Variants in TTL observed in about 807,000 individuals in gnomAD.
TTL encodes the protein tubulin--tyrosine ligase.
Under a neutral mutation model 41.1 loss-of-function variants are expected in TTL, and 10 were observed. The ratio of observed to expected loss-of-function variants is 0.24; its 90% CI spans 0.15 to 0.41. The LOEUF (loss-of-function observed/expected upper bound fraction) is 0.41, where lower values mean the gene tolerates loss of function less well. Ranked by LOEUF, TTL falls within the 10% of genes least tolerant of loss-of-function variation. The pLI is 1.00. For synonymous variants in TTL, 175 were observed against 175.5 expected (o/e 1.00, Z 0.02); for missense variants, 367 against 460.4 (o/e 0.80, Z 1.86).
intron 6 of TTL, among the ~76,000 whole-genome samples, chr2:112,524,840 G>T (rs1257421810): frequency 6.6e-6 from 1 of 152,130 alleles, no homozygotes; most frequent in Non-Finnish European, 1.5e-5. Context: ...ATTGCTTTTG[G>T]TGTTTTAGAC....
chr2:112,498,768 G>C (rs1215678640), intron 3 of TTL, among the ~76,000 whole-genome samples: 1 of 151,994 alleles, frequency 6.6e-6, no homozygotes, highest in Non-Finnish European at 1.5e-5. Flanking sequence ...AGCCAGGCAT[G>C]GTGGCGGGCG....
intron 5 of TTL, among the ~76,000 whole-genome samples, chr2:112,518,453 G>A (rs1228462741): frequency 1.3e-5 from 2 of 151,648 alleles, no homozygotes; most frequent in Non-Finnish European, 2.9e-5. Context: ...AGCCAAAATA[G>A]TTTTTAAAGG....
At chr2:112,486,054 T>G in intron 2 of TTL, 59 bp downstream of exon 2, 2 of 1,529,126 alleles carry the variant, frequency 1.3e-6, no homozygotes, top group Non-Finnish European at 1.8e-6. Flanking sequence ...TAGGCAAAAA[T>G]GTGGGGTTGT....
intron 5 of TTL, among the ~76,000 whole-genome samples, chr2:112,516,476 C>T (rs542619590): frequency 1.4e-4 from 22 of 152,260 alleles, no homozygotes; most frequent in Non-Finnish European, 3.1e-4. Flanking sequence ...GAGTTCAAGA[C>T]CAGCCTGGCC....
intron 6 of TTL, chr2:112,521,152 G>T: frequency 1.0e-6 from 1 of 983,850 alleles, no homozygotes; most frequent in Non-Finnish European, 1.2e-6. Context: ...TGCACCAAAG[G>T]TTGGTGGGGA....
At chr2:112,493,135 T>G (rs62157497) in intron 2 of TTL, among the ~76,000 whole-genome samples, 8,805 of 152,312 alleles carry the variant, frequency 0.058, 529 homozygotes, top group East Asian at 0.28. Context: ...AATATCTATC[T>G]ACAATGTCGT....
chr2:112,483,417 A>G (rs540835350), intron 1 of TTL: 1 of 152,400 alleles, frequency 6.6e-6, no homozygotes, highest in African/African-American at 2.4e-5. Flanking sequence ...TGGGAATTGC[A>G]TCTTCTCTCC....
chr2:112,528,041 G>T (rs551152218), intron 6 of TTL, among the ~76,000 whole-genome samples: 115 of 152,320 alleles, frequency 7.5e-4, no homozygotes, highest in African/African-American at 2.6e-3. Context: ...TTGCTTGTCT[G>T]TAGAGGATTT....
At chr2:112,491,809 C>G (rs1236113525) in intron 2 of TTL, among the ~76,000 whole-genome samples, 1 of 152,130 alleles carries the variant, frequency 6.6e-6, no homozygotes, top group African/African-American at 2.4e-5. Flanking sequence ...TTTACTTTTA[C>G]CATAGCCTAT....
intron 6 of TTL, chr2:112,522,031 C>T (rs909134202): frequency 3.3e-5 from 5 of 152,444 alleles, no homozygotes; most frequent in African/African-American, 1.2e-4. Flanking sequence ...GTGCTCTAGA[C>T]CTTTCCCTCC....
chr2:112,523,702 A>G (rs1037745353), intron 6 of TTL, among the ~76,000 whole-genome samples: 4 of 151,890 alleles, frequency 2.6e-5, no homozygotes, highest in African/African-American at 9.7e-5. Context: ...TTCCATAAGT[A>G]TTTGCTGAGG....
In TTL at chr2:112,503,137, T is replaced by A; in HGVS notation, c.831T>A (p.Ile277=). 2 of 1,611,078 alleles carry A rather than the reference T, an allele frequency of 1.2e-6. No homozygotes were observed. Among genetic ancestry groups the A allele is most frequent in the Non-Finnish European group, 1.7e-6 (2 of 1,178,872 alleles). ...AGTACCTAACAAGTGCTTTGAACAT[T>A]ACCCTAGAAAGTAGTATCTTACTAC... ...FNQYLTSALN[I]TLESSILLQI... Residue 277 remains isoleucine, a synonymous_variant, in exon 5 of 7, where the codon ATT becomes ATA. Coordinates refer to ENST00000233336, the MANE Select transcript of TTL (RefSeq NM_153712.5).
chr2:112,496,994 G>A (rs1469496160), intron 3 of TTL, among the ~76,000 whole-genome samples: 3 of 151,926 alleles, frequency 2.0e-5, no homozygotes, highest in African/African-American at 2.4e-5. Flanking sequence ...CTAATTTTTT[G>A]TACTTTTAGT....
Position 112,539,468 on chromosome 2 carries a change from A to G in TTL, c.*10673A>G. 1 of 152,196 alleles carries G rather than the reference A, an allele frequency of 6.6e-6. No homozygotes were observed. The highest frequency in any genetic ancestry group is 2.1e-4 in the South Asian group (1 of 4,832). The allele number at this position is 152,196 out of a possible 1,614,324, so 9.4% of individuals were successfully genotyped here. On this transcript the variant is annotated 3_prime_UTR_variant, in exon 7 of 7. Coordinates refer to ENST00000233336, the MANE Select transcript of TTL (RefSeq NM_153712.5). ...CTGAAAAAGCATTTGGCAATACACA[A>G]CACTCTTTCTTGGAAAAAACCTTTC...
intron 6 of TTL, chr2:112,521,191 G>A: frequency 1.0e-6 from 1 of 985,312 alleles, no homozygotes; most frequent in Non-Finnish European, 1.2e-6. Context: ...GCAGCGTCCT[G>A]TGGGCTCTCA....
At chr2:112,493,381 T>G (rs954029432) in intron 2 of TTL, among the ~76,000 whole-genome samples, 6 of 151,592 alleles carry the variant, frequency 4.0e-5, no homozygotes, top group Non-Finnish European at 8.8e-5. Context: ...ACTTGGGAGT[T>G]CGGGCCTGCA....
At position 112,494,505 on chromosome 2, in the gene TTL, C is replaced by A. The variant is rs563654330; in HGVS notation, c.469+130C>A. The A allele has an allele frequency of 2.1e-5, 15 of 712,186 alleles. No individual in the cohort carries two copies. The East Asian group carries it at 3.8e-4, about 18-fold the overall frequency. The allele number at this position is 712,186 out of a possible 1,614,324, so 44.1% of individuals were successfully genotyped here. On this transcript the variant is annotated intron_variant, in intron 3 of 6. Coordinates refer to ENST00000233336, the MANE Select transcript of TTL (RefSeq NM_153712.5). ...GTGTCTAGTTACATAGTTATAAATA[C>A]CCATCTATGTACTGATGCCTTCTAA...
At chr2:112,499,047 G>A (rs1261704506) in intron 3 of TTL, among the ~76,000 whole-genome samples, 1 of 151,750 alleles carries the variant, frequency 6.6e-6, no homozygotes, top group Non-Finnish European at 1.5e-5. Flanking sequence ...GGCCAGGCAC[G>A]GTGGCTCTCG....
At chr2:112,492,558 G>A (rs577498249) in intron 2 of TTL, among the ~76,000 whole-genome samples, 122 of 152,282 alleles carry the variant, frequency 8.0e-4, no homozygotes, top group African/African-American at 2.6e-3. Context: ...GTGAAACCCC[G>A]TCTCTACTAA....
Sources: gnomAD v4.1 joint callset for allele counts (sites outside exome capture counted in the v4.1 genomes callset) on GRCh38, gnomAD v4.1.1 for gene constraint, MANE v1.5 for transcripts, NCBI Gene and HGNC (gene_info 2026-07-23, HGNC 2026-07-21) for gene names.